Variants in CHRM3 observed in about 807,000 individuals in gnomAD.
The protein encoded by CHRM3 is muscarinic acetylcholine receptor M3.
Under a neutral mutation model 41.8 loss-of-function variants are expected in CHRM3, and 11 were observed. The observed-to-expected ratio is 0.26, with a 90% confidence interval of 0.17 to 0.44. The LOEUF (loss-of-function observed/expected upper bound fraction) is 0.44, where lower values mean the gene tolerates loss of function less well. CHRM3 is among the 20% of genes least tolerant of loss of function. CHRM3 has a pLI of 1.00. For missense variants in CHRM3, 571 were observed against 745.4 expected, an observed-to-expected ratio of 0.77 and a Z score of 2.72; for synonymous variants, 297 against 301.4, an observed-to-expected ratio of 0.99 and a Z score of 0.15.
At position 239,534,789 on chromosome 1, in the gene CHRM3, A is replaced by G. The variant is rs1350531680; in HGVS notation, c.-421-10852A>G. On this transcript the variant is annotated intron_variant, in intron 2 of 6. Transcript: ENST00000676153. ...ACATTTAGTATTTTACTTGGTTCAC[A>G]TAAGACCATCAATAAATAGTTGTAA... 2.0e-5 allele frequency among the ~76,000 whole-genome samples: 3 copies of G among 152,242 alleles called. No individual in the cohort carries two copies. The East Asian group carries it at 5.8e-4, about 29-fold the overall frequency.
chr1:239,554,650 T>C (rs1660183945), intron 3 of CHRM3, among the ~76,000 whole-genome samples: 1 of 151,978 alleles, frequency 6.6e-6, no homozygotes, highest in African/African-American at 2.4e-5. Flanking sequence ...CACTAAAACA[T>C]CATATTTTGA....
At chr1:239,803,171 G>T (rs1039287451) in intron 5 of CHRM3, among the ~76,000 whole-genome samples, 1 of 152,170 alleles carries the variant, frequency 6.6e-6, no homozygotes, top group African/African-American at 2.4e-5. Flanking sequence ...TGAACAAGGA[G>T]GTTAGGAAAC....
intron 6 of CHRM3, among the ~76,000 whole-genome samples, chr1:239,887,351 G>A (rs555742946): frequency 1.6e-3 from 242 of 152,130 alleles, no homozygotes; most frequent in Non-Finnish European, 1.6e-3. Flanking sequence ...ATAGGCACCC[G>A]CCACCATGCA....
At chr1:239,403,987 G>GAGAGAGAA (rs1660213099) in intron 1 of CHRM3, among the ~76,000 whole-genome samples, 1 of 140,266 alleles carries the variant, frequency 7.1e-6, no homozygotes, top group Non-Finnish European at 1.6e-5. Flanking sequence ...GAGAGAGAGA[G>GAGAGAGAA]AGAGAGAGAG....
chr1:239,835,780 T>G (rs780577648), intron 6 of CHRM3, among the ~76,000 whole-genome samples: 2 of 152,226 alleles, frequency 1.3e-5, no homozygotes, highest in Non-Finnish European at 2.9e-5. Flanking sequence ...AAGAAAAATG[T>G]ATTTATTTCC....
At chr1:239,560,100 G>A (rs975724764) in intron 3 of CHRM3, among the ~76,000 whole-genome samples, 3 of 152,062 alleles carry the variant, frequency 2.0e-5, no homozygotes, top group African/African-American at 7.2e-5. Context: ...GTAAAACACA[G>A]GAAAAAGTAT....
At chr1:239,640,863 G>A (rs1671056738) in intron 4 of CHRM3, among the ~76,000 whole-genome samples, 1 of 148,006 alleles carries the variant, frequency 6.8e-6, no homozygotes, top group African/African-American at 2.5e-5. Context: ...ATGTTAGGGT[G>A]TCAATTTTGG....
At chr1:239,820,022 A>C (rs928922567) in intron 5 of CHRM3, among the ~76,000 whole-genome samples, 2 of 152,120 alleles carry the variant, frequency 1.3e-5, no homozygotes, top group African/African-American at 4.8e-5. Context: ...CCCTGTGTTT[A>C]CCATGTCGGT....
chr1:239,609,677 G>A (rs1203875442), intron 3 of CHRM3, among the ~76,000 whole-genome samples: 1 of 152,088 alleles, frequency 6.6e-6, no homozygotes, highest in African/African-American at 2.4e-5. Flanking sequence ...ATTTTCAATT[G>A]TGGTCATTTT....
intron 1 of CHRM3, among the ~76,000 whole-genome samples, chr1:239,454,617 G>T (rs1664789104): frequency 6.6e-6 from 1 of 152,068 alleles, no homozygotes; most frequent in African/African-American, 2.4e-5. Flanking sequence ...ATCACACACT[G>T]GGGCACCCTG....
intron 5 of CHRM3, among the ~76,000 whole-genome samples, chr1:239,738,616 T>C (rs1351089723): frequency 6.6e-6 from 1 of 151,244 alleles, no homozygotes; most frequent in Non-Finnish European, 1.5e-5. Context: ...TAGAAACATG[T>C]CAAATAAATG....
At chr1:239,600,701 C>G (rs1665411607) in intron 3 of CHRM3, among the ~76,000 whole-genome samples, 1 of 150,770 alleles carries the variant, frequency 6.6e-6, no homozygotes, top group South Asian at 2.1e-4. Context: ...TCTCCCTTTC[C>G]TCCCCTTCCT....
At position 239,606,671 on chromosome 1, in the gene CHRM3, T is replaced by C. The variant is rs563434581; in HGVS notation, c.-312-25553T>C. ...AATTTTTAAGACTGCGAAGAGATCC[T>C]GAAACCTAAAGTCCTGAGTCCTGGT... is the stretch of plus-strand genomic sequence containing the variant. On this transcript the variant is annotated intron_variant, in intron 3 of 6. Coordinates refer to ENST00000676153, the MANE Select transcript of CHRM3 (RefSeq NM_001375978.1). 1.1e-4 allele frequency among the ~76,000 whole-genome samples: 17 copies of C among 152,322 alleles called. No homozygotes were observed. The South Asian group carries it at 3.1e-3, about 28-fold the overall frequency.
At chr1:239,797,219 G>C (rs1247812613) in intron 5 of CHRM3, among the ~76,000 whole-genome samples, 2 of 152,076 alleles carry the variant, frequency 1.3e-5, no homozygotes, top group Non-Finnish European at 2.9e-5. Context: ...GGAAAGGAGG[G>C]GGCAAGGGCT....
intron 1 of CHRM3, among the ~76,000 whole-genome samples, chr1:239,452,688 G>T (rs1031271140): frequency 1.3e-5 from 2 of 152,174 alleles, no homozygotes; most frequent in Non-Finnish European, 2.9e-5. Context: ...ATTAATATCT[G>T]ACAGTTATAT....
chr1:239,866,486 T>C (rs951243975), intron 6 of CHRM3, among the ~76,000 whole-genome samples: 2 of 152,052 alleles, frequency 1.3e-5, no homozygotes, highest in Non-Finnish European at 2.9e-5. Context: ...GTAGAGCCCA[T>C]GCTCTTAAAG....
chr1:239,594,909 G>A (rs1203072644), intron 3 of CHRM3, among the ~76,000 whole-genome samples: 1 of 152,098 alleles, frequency 6.6e-6, no homozygotes, highest in African/African-American at 2.4e-5. Context: ...GACCAACATG[G>A]AGAAACCTCA....
At chr1:239,797,997 T>C (rs1174433955) in intron 5 of CHRM3, among the ~76,000 whole-genome samples, 1 of 152,108 alleles carries the variant, frequency 6.6e-6, no homozygotes, top group African/African-American at 2.4e-5. Flanking sequence ...TGCAGTGAGC[T>C]GTGATTGCAC....
chr1:239,589,176 C>A (rs1449420915), intron 3 of CHRM3, among the ~76,000 whole-genome samples: 2 of 152,048 alleles, frequency 1.3e-5, no homozygotes, highest in South Asian at 2.1e-4. Context: ...TCAAGTGATC[C>A]GCCCTCCTCA....
Sources: gnomAD v4.1 joint callset for allele counts (sites outside exome capture counted in the v4.1 genomes callset) on GRCh38, gnomAD v4.1.1 for gene constraint, MANE v1.5 for transcripts, NCBI Gene and HGNC (gene_info 2026-07-23, HGNC 2026-07-21) for gene names.